The following ARID1B variants were observed in gnomAD, a reference collection of about 807,000 sequenced individuals.
ARID1B encodes the protein AT-rich interactive domain-containing protein 1B.
A neutral mutation model predicts 212.3 loss-of-function variants in ARID1B; 30 were observed. The observed-to-expected ratio is 0.14, with a 90% CI of 0.11 to 0.19. ARID1B has a LOEUF of 0.19. Ranked by LOEUF, ARID1B falls within the 10% of genes least tolerant of loss-of-function variation. The pLI is 1.00. For missense variants in ARID1B, 2,891 were observed against 3,204.0 expected (o/e 0.90, Z 2.36); for synonymous variants, 1,402 against 1,301.7 (o/e 1.08, Z -1.66).
chr6:156,829,280 C>G lies in ARID1B; in HGVS notation c.1845C>G (p.Gly615=), dbSNP rs2128046126. 6.2e-7 allele frequency: 1 copy of G among 1,614,196 alleles called. No individual in the cohort carries two copies. The highest frequency in any genetic ancestry group is 8.5e-7 in the Non-Finnish European group (1 of 1,180,024). The change falls in exon 2 of 20, where the codon GGC becomes GGG. Residue 615 remains glycine, a synonymous_variant. Coordinates refer to ENST00000636930, the MANE Select transcript of ARID1B (RefSeq NM_001374828.1). The stretch of plus-strand genomic sequence containing the variant: ...AGAGACCTCAGTTGTATGGCATGGG[C>G]AGTAACCCTCATTCTCAGCCTCAGC... The part of the protein sequence containing the change: ...VMKRPQLYGM[G]SNPHSQPQQS...
chr6:156,808,084 C>G (rs1054756340), intron 1 of ARID1B, among the ~76,000 whole-genome samples: 1 of 152,170 alleles, frequency 6.6e-6, no homozygotes, highest in African/African-American at 2.4e-5. Context: ...GAGGCTTTAA[C>G]CCTATTGTAT....
chr6:157,165,763 C>T (rs550702940), intron 8 of ARID1B, among the ~76,000 whole-genome samples: 1 of 152,050 alleles, frequency 6.6e-6, no homozygotes, highest in African/African-American at 2.4e-5. Context: ...GCGGGAGAGT[C>T]GCTTGAGCCT....
intron 1 of ARID1B, among the ~76,000 whole-genome samples, chr6:156,793,346 AT>A (rs1384534534): frequency 1.3e-5 from 2 of 151,702 alleles, no homozygotes; most frequent in African/African-American, 4.8e-5. Flanking sequence ...GCATTGTGGG[AT>A]TTTTTTTCCT....
At chr6:156,826,648 T>TTCCATCTTCACCTCCCC (rs1782760253) in intron 1 of ARID1B, among the ~76,000 whole-genome samples, 1 of 152,118 alleles carries the variant, frequency 6.6e-6, no homozygotes, top group African/African-American at 2.4e-5. Context: ...TGCTCCTGCC[T>TTCCATCTTCACCTCCCC]TCCATCTTCA....
Position 157,073,102 on chromosome 6 carries a change from CTT to C in ARID1B, c.2248-11544_2248-11543del, listed in dbSNP as rs869172647. ...TGCCACTAGTATTTATTCACCCCAT[CTT>C]TTTTTTTTTTTTTTTGGAGACACAG... On this transcript the variant is annotated intron_variant, in intron 4 of 19. Coordinates refer to ENST00000636930, the MANE Select transcript of ARID1B (RefSeq NM_001374828.1). Among the ~76,000 whole-genome samples the C allele has an allele frequency of 9.0e-3, 1,242 of 138,722 alleles. 18 individuals are homozygous for C. The highest frequency in any genetic ancestry group is 0.031 in the African/African-American group (1,167 of 37,360). The allele number at this position is 138,722 out of a possible 152,430, so 91.0% of individuals were successfully genotyped here. A position where few individuals can be genotyped will look rare whatever the true frequency, so the allele number is the denominator to read the frequency against.
rs770307465 is a variant in ARID1B at position 157,171,942 on chromosome 6, A to G, written c.3236-2066A>G. 7.9e-5 allele frequency among the ~76,000 whole-genome samples: 12 copies of G among 152,366 alleles called. No homozygotes were observed. In the South Asian group the frequency reaches 1.2e-3, roughly 16 times the overall value. ...CCTGCCTTCAAAATAATATTCATACATAATTTATTGTAAATACTGACAAAA... is the reference window on the plus strand; with the variant it reads ...CCTGCCTTCAAAATAATATTCATACGTAATTTATTGTAAATACTGACAAAA... On this transcript the variant is annotated intron_variant, in intron 9 of 19. Coordinates refer to ENST00000636930, the MANE Select transcript of ARID1B (RefSeq NM_001374828.1).
chr6:157,189,818 A>C (rs1394231231), intron 14 of ARID1B, 38 bp downstream of exon 14: 1 of 1,611,598 alleles, frequency 6.2e-7, no homozygotes, highest in African/African-American at 1.3e-5. Context: ...ACAAAGTCAC[A>C]TTTGTTCATC....
intron 4 of ARID1B, among the ~76,000 whole-genome samples, chr6:157,081,706 T>C (rs527920593): frequency 2.0e-5 from 3 of 152,358 alleles, no homozygotes; most frequent in African/African-American, 7.2e-5. Flanking sequence ...CGTGTCACTT[T>C]TTAAACCATA....
At chr6:156,854,542 C>G (rs536237473) in intron 2 of ARID1B, among the ~76,000 whole-genome samples, 2 of 152,282 alleles carry the variant, frequency 1.3e-5, no homozygotes, top group African/African-American at 4.8e-5. Flanking sequence ...CTCTCTAGAC[C>G]CAGGGAACAT....
intron 1 of ARID1B, among the ~76,000 whole-genome samples, chr6:156,796,838 G>T (rs1173780560): frequency 6.6e-6 from 1 of 152,202 alleles, no homozygotes; most frequent in East Asian, 1.9e-4. Context: ...AAGCCCTGGG[G>T]TGGGCGTAGG....
intron 8 of ARID1B, chr6:157,149,579 A>T (rs1447641663): frequency 6.6e-6 from 1 of 152,252 alleles, no homozygotes; most frequent in African/African-American, 2.4e-5. Flanking sequence ...CTTTAGCTAC[A>T]ATTACTTACT....
At chr6:156,831,354 C>G (rs1427553853) in intron 2 of ARID1B, among the ~76,000 whole-genome samples, 1 of 152,200 alleles carries the variant, frequency 6.6e-6, no homozygotes, top group South Asian at 2.1e-4. Context: ...AGTGGATGCT[C>G]GCTGCTCTTG....
At chr6:156,815,651 C>T (rs1244255817) in intron 1 of ARID1B, among the ~76,000 whole-genome samples, 1 of 152,070 alleles carries the variant, frequency 6.6e-6, no homozygotes, top group Non-Finnish European at 1.5e-5. Context: ...ATGAGAGGCC[C>T]AGTGATTAAA....
chr6:157,075,087 T>A (rs1004680249), intron 4 of ARID1B, among the ~76,000 whole-genome samples: 3 of 152,176 alleles, frequency 2.0e-5, no homozygotes, highest in African/African-American at 4.8e-5. Context: ...TTGGAAAAAA[T>A]TATTATGTAA....
At chr6:156,827,235 C>T (rs990089723) in intron 1 of ARID1B, among the ~76,000 whole-genome samples, 3 of 152,184 alleles carry the variant, frequency 2.0e-5, no homozygotes, top group Non-Finnish European at 4.4e-5. Context: ...ATCAGAGCCT[C>T]AAGTTTCCTA....
chr6:156,944,676 G>A (rs1792928529), intron 4 of ARID1B, among the ~76,000 whole-genome samples: 1 of 152,192 alleles, frequency 6.6e-6, no homozygotes, highest in Non-Finnish European at 1.5e-5. Flanking sequence ...GGTGGGGGAA[G>A]GAAGGCCCTA....
intron 4 of ARID1B, among the ~76,000 whole-genome samples, chr6:156,956,738 C>T (rs1794004860): frequency 2.0e-5 from 3 of 152,168 alleles, no homozygotes; most frequent in Admixed American, 2.0e-4. Context: ...TATTCTGGAT[C>T]AGCACTGTCC....
chr6:156,893,107 A>G (rs287938), intron 2 of ARID1B, among the ~76,000 whole-genome samples: 17,874 of 139,716 alleles, frequency 0.13, 1,491 homozygotes, highest in Non-Finnish European at 0.19. Context: ...CAGTGGTGCA[A>G]TCTTGGCTCA....
Position 156,855,841 on chromosome 6 carries a change from C to T in ARID1B, c.1986+26420C>T, listed in dbSNP as rs145870229. 3.6e-4 allele frequency among the ~76,000 whole-genome samples: 55 copies of T among 152,226 alleles called. 1 individual carries two copies. Among genetic ancestry groups the T allele is most frequent in the African/African-American group, 1.3e-3 (53 of 41,528 alleles). ...GCTCTGGAATCTAGGAACCAGATGG[C>T]TACTCTTAGAGGATCCTCAGGGATG... On this transcript the variant is annotated intron_variant, in intron 2 of 19. Transcript: ENST00000636930.
Sources: allele counts gnomAD v4.1 joint callset (sites outside exome capture counted in the v4.1 genomes callset), GRCh38; gene constraint gnomAD v4.1.1; transcripts MANE v1.5; gene names NCBI Gene and HGNC (gene_info 2026-07-23, HGNC 2026-07-21).